Variants in FAF1 observed in about 807,000 individuals in gnomAD.
FAF1 encodes the protein FAS-associated factor 1.
A neutral mutation model predicts 92.5 loss-of-function variants in FAF1; 25 were observed. The observed-to-expected ratio is 0.27, with a 90% CI of 0.20 to 0.38. The LOEUF (loss-of-function observed/expected upper bound fraction) is 0.38, where lower values mean the gene tolerates loss of function less well. Among genes scored for constraint, FAF1 ranks in the 10% least tolerant of loss-of-function variants. FAF1 has a pLI of 1.00. For synonymous variants in FAF1, 234 were observed against 273.2 expected, an observed-to-expected ratio of 0.86 and a Z score of 1.42; for missense variants, 636 against 793.3, an observed-to-expected ratio of 0.80 and a Z score of 2.38.
intron 1 of FAF1, among the ~76,000 whole-genome samples, chr1:50,896,903 G>T (rs550267901): frequency 6.6e-6 from 1 of 151,938 alleles, no homozygotes; most frequent in East Asian, 1.9e-4. Context: ...TAATACCACT[G>T]GATCTGTATA....
chr1:50,532,890 C>T (rs1648256010), intron 15 of FAF1, among the ~76,000 whole-genome samples: 1 of 152,170 alleles, frequency 6.6e-6, no homozygotes, highest in Non-Finnish European at 1.5e-5. Flanking sequence ...TAGCTCACTG[C>T]AGCCTTCAAC....
chr1:50,913,112 A>G (rs1175589113), intron 1 of FAF1, among the ~76,000 whole-genome samples: 1 of 152,216 alleles, frequency 6.6e-6, no homozygotes, highest in African/African-American at 2.4e-5. Context: ...ACACAGTTTT[A>G]TAATTGCCTG....
chr1:50,798,001 G>A (rs1661826265), intron 3 of FAF1, among the ~76,000 whole-genome samples: 1 of 150,990 alleles, frequency 6.6e-6, no homozygotes, highest in East Asian at 1.9e-4. Context: ...AACTAAACAG[G>A]AACTCTGCAC....
intron 7 of FAF1, among the ~76,000 whole-genome samples, chr1:50,671,307 A>C (rs895805879): frequency 6.6e-6 from 1 of 151,954 alleles, no homozygotes; most frequent in Non-Finnish European, 1.5e-5. Context: ...CGGGAGTCTG[A>C]GGCAGGAGAA....
At chr1:50,556,005 G>A (rs1354973656) in intron 13 of FAF1, among the ~76,000 whole-genome samples, 5 of 151,512 alleles carry the variant, frequency 3.3e-5, no homozygotes, top group Non-Finnish European at 7.4e-5. Context: ...TATGGTGTGT[G>A]TATATATAAT....
chr1:50,551,308 T>A (rs1649300846), intron 13 of FAF1, among the ~76,000 whole-genome samples: 1 of 152,190 alleles, frequency 6.6e-6, no homozygotes, highest in African/African-American at 2.4e-5. Flanking sequence ...CACAGTTTAA[T>A]GGTATATAGT....
chr1:50,675,229 C>G (rs551529372), intron 7 of FAF1, among the ~76,000 whole-genome samples: 21 of 152,340 alleles, frequency 1.4e-4, no homozygotes, highest in African/African-American at 3.8e-4. Context: ...TAAATTTTCT[C>G]TGTGTGCATA....
chr1:50,884,205 C>A (rs958656656), intron 1 of FAF1, among the ~76,000 whole-genome samples: 18 of 151,884 alleles, frequency 1.2e-4, no homozygotes, highest in Non-Finnish European at 2.4e-4. Flanking sequence ...AAATAAAACA[C>A]ATGACATGTT....
At chr1:50,756,598 A>G (rs1027638379) in intron 4 of FAF1, among the ~76,000 whole-genome samples, 3 of 152,158 alleles carry the variant, frequency 2.0e-5, no homozygotes, top group African/African-American at 7.2e-5. Flanking sequence ...CTCAGTACCA[A>G]TTTACTGTAT....
intron 2 of FAF1, among the ~76,000 whole-genome samples, chr1:50,824,289 C>T (rs1156624136): frequency 1.3e-5 from 2 of 152,094 alleles, no homozygotes; most frequent in Non-Finnish European, 2.9e-5. Context: ...CAAGTCTCTC[C>T]TCCATTACGT....
At chr1:50,876,080 A>G (rs1036850515) in intron 1 of FAF1, among the ~76,000 whole-genome samples, 1 of 152,232 alleles carries the variant, frequency 6.6e-6, no homozygotes, top group Non-Finnish European at 1.5e-5. Context: ...ATAGTATGTA[A>G]AATGTGTAAA....
At chr1:50,913,160 A>G (rs769132755) in intron 1 of FAF1, among the ~76,000 whole-genome samples, 4 of 152,216 alleles carry the variant, frequency 2.6e-5, no homozygotes, top group Non-Finnish European at 5.9e-5. Flanking sequence ...TATACATGGC[A>G]TGAGTGCAGG....
At chr1:50,592,619 T>G (rs963193500) in intron 9 of FAF1, among the ~76,000 whole-genome samples, 16 of 152,218 alleles carry the variant, frequency 1.1e-4, no homozygotes, top group African/African-American at 3.9e-4. Context: ...AAATATTTCC[T>G]TCCTAACTCA....
At chr1:50,612,316 A>C (rs1330559240) in intron 8 of FAF1, 1 of 1,202,234 alleles carries the variant, frequency 8.3e-7, no homozygotes. Context: ...AGTTACAATG[A>C]AAAGGTTATT....
At chr1:50,486,517 CTT>C (rs559883643) in intron 17 of FAF1, among the ~76,000 whole-genome samples, 1 of 147,614 alleles carries the variant, frequency 6.8e-6, no homozygotes. Flanking sequence ...TCTGTGAAGT[CTT>C]TTTTTTTTTA....
chr1:50,639,771 T>A (rs1160181027), intron 8 of FAF1, among the ~76,000 whole-genome samples: 1 of 151,830 alleles, frequency 6.6e-6, no homozygotes, highest in East Asian at 1.9e-4. Flanking sequence ...CTGTCTCTAC[T>A]AAAAATACAA....
rs113664530 is a variant in FAF1 at position 50,596,046 on chromosome 1, T to TA, written c.840+74dup. ...TTTATCTGTTCATTGCTCTGGCAGATAAAAAAAAAGGGAAGTGCGCAGGTA... is the reference window on the plus strand; with the variant it reads ...TTTATCTGTTCATTGCTCTGGCAGATAAAAAAAAAAGGGAAGTGCGCAGGTA... On this transcript the variant is annotated intron_variant, in intron 9 of 18. Coordinates refer to ENST00000396153, the MANE Select transcript of FAF1 (RefSeq NM_007051.3). The TA allele has an allele frequency of 1.5e-3, 1,331 of 896,366 alleles. 2 individuals carry two copies. The highest frequency in any genetic ancestry group is 7.8e-3 in the African/African-American group (460 of 58,930). 55.5% of individuals were successfully genotyped at this position (896,366 alleles called of 1,614,324 possible). A position where few individuals can be genotyped will look rare whatever the true frequency, so the allele number is the denominator to read the frequency against.
Position 50,441,284 on chromosome 1 carries a change from A to G in FAF1, c.*156T>C. ...CATGGATGGGAAATCTTAAGTAGCT[A>G]TATTTATTATTACTTTTTCCAGCAA... On this transcript the variant is annotated 3_prime_UTR_variant, in exon 19 of 19. Transcript: ENST00000396153. The G allele has an allele frequency of 1.9e-6, 1 of 535,528 alleles. No individual in the cohort carries two copies. The highest frequency in any genetic ancestry group is 2.8e-5 in the South Asian group (1 of 35,432). The allele number at this position is 535,528 out of a possible 1,614,324, so 33.2% of individuals were successfully genotyped here.
chr1:50,490,414 AGG>A, intron 17 of FAF1, among the ~76,000 whole-genome samples, 172 bp downstream of exon 17: 2 of 103,332 alleles, frequency 1.9e-5, no homozygotes, highest in Non-Finnish European at 4.3e-5. Flanking sequence ...GAAGGAAGGA[AGG>A]AAGGAAGGAA....
Sources: gnomAD v4.1 joint callset for allele counts (sites outside exome capture counted in the v4.1 genomes callset) on GRCh38, gnomAD v4.1.1 for gene constraint, MANE v1.5 for transcripts, NCBI Gene and HGNC (gene_info 2026-07-23, HGNC 2026-07-21) for gene names.